NTN4: variants seen among roughly 807,000 people sequenced by gnomAD.
NTN4 encodes the protein netrin-4.
A neutral mutation model predicts 73.6 loss-of-function variants in NTN4; 32 were observed. That is an observed-to-expected ratio of 0.44 (90% CI 0.33 to 0.58). The LOEUF (loss-of-function observed/expected upper bound fraction) is 0.58. Ranked by LOEUF, NTN4 falls within the 20% of genes least tolerant of loss-of-function variation. NTN4 has a pLI of 0.04. For missense variants in NTN4, 654 were observed against 798.3 expected, an observed-to-expected ratio of 0.82 and a Z score of 2.18; for synonymous variants, 258 against 287.5, an observed-to-expected ratio of 0.90 and a Z score of 1.04.
intron 2 of NTN4, among the ~76,000 whole-genome samples, chr12:95,751,980 T>C (rs1469080897): frequency 6.6e-6 from 1 of 150,974 alleles, no homozygotes; most frequent in Non-Finnish European, 1.5e-5. Context: ...TGACTATTCC[T>C]GGACTACAGC....
At chr12:95,780,119 C>G (rs2079121641) in intron 2 of NTN4, among the ~76,000 whole-genome samples, 1 of 152,018 alleles carries the variant, frequency 6.6e-6, no homozygotes, top group African/African-American at 2.4e-5. Context: ...GAAACTGGAT[C>G]CCTTCCTTAC....
chr12:95,732,215 T>TCC (rs543366961), intron 3 of NTN4, among the ~76,000 whole-genome samples: 22 of 149,502 alleles, frequency 1.5e-4, no homozygotes, highest in South Asian at 1.1e-3. Context: ...TTCTTTTCTC[T>TCC]CCCTTTCTCT....
intron 5 of NTN4, among the ~76,000 whole-genome samples, chr12:95,690,012 G>A (rs183764076): frequency 1.3e-5 from 2 of 152,216 alleles, no homozygotes; most frequent in East Asian, 1.9e-4. Context: ...TTACCTTTCT[G>A]AGCCCCACAT....
intron 6 of NTN4, 94 bp downstream of exon 6, chr12:95,683,404 T>C (rs1325223396): frequency 8.6e-7 from 1 of 1,165,904 alleles, no homozygotes; most frequent in African/African-American, 1.5e-5. Flanking sequence ...ACATCTTTGC[T>C]CCATTAACAG....
At chr12:95,754,703 C>T (rs1481369826) in intron 2 of NTN4, among the ~76,000 whole-genome samples, 1 of 152,172 alleles carries the variant, frequency 6.6e-6, no homozygotes, top group Non-Finnish European at 1.5e-5. Context: ...TACCCCTGCC[C>T]ACCAGAGAAC....
Position 95,710,611 on chromosome 12 carries a change from T to C in NTN4, c.1010A>G (p.His337Arg). The C allele has an allele frequency of 6.2e-7, 1 of 1,613,556 alleles. No homozygotes were observed. The highest frequency in any genetic ancestry group is 8.5e-7 in the Non-Finnish European group (1 of 1,179,798). The change falls in exon 5 of 10, where the codon CAT becomes CGT. Residue 337 changes from histidine (H) to arginine (R), a missense_variant. By Grantham distance (29) the His-to-Arg change is conservative (BLOSUM62 0). Transcript: ENST00000343702. Reference protein sequence around the residue: ...NECRTCKCNGHADTCHFDVNV... With the variant: ...NECRTCKCNGRADTCHFDVNV... ...AACGTCGAAGTGACAGGTATCAGCA[T>C]GCCCATTACACTTGCAGGCTGGAAA...
chr12:95,713,200 C>A lies in NTN4; in HGVS notation c.991+12G>T. Reference sequence around the variant, plus strand: ...AAAGAAAGCTTTTGAGTATCGTGGGCTTGTTACTTACTTCTGCACTCGTTG... The same window carrying A: ...AAAGAAAGCTTTTGAGTATCGTGGGATTGTTACTTACTTCTGCACTCGTTG... On this transcript the variant is annotated intron_variant, in intron 4 of 9. Coordinates refer to ENST00000343702, the MANE Select transcript of NTN4 (RefSeq NM_021229.4). The A allele has an allele frequency of 1.2e-6, 2 of 1,608,932 alleles. No individual in the cohort carries two copies. The highest frequency in any genetic ancestry group is 4.5e-5 in the East Asian group (2 of 44,666).
At position 95,675,873 on chromosome 12, in the gene NTN4, T is replaced by G. The variant is rs1477849021; in HGVS notation, c.1511-5727A>C. Among the ~76,000 whole-genome samples the G allele has an allele frequency of 5.3e-5, 8 of 152,118 alleles. No individual in the cohort carries two copies. In the East Asian group the frequency reaches 1.4e-3, roughly 26 times the overall value. ...GCTCTCCTTGCTAATGAAAGGAGGC[T>G]GGGAAAAAACAATAAACCAACCACG... On this transcript the variant is annotated intron_variant, in intron 7 of 9. Transcript: ENST00000343702.
intron 5 of NTN4, among the ~76,000 whole-genome samples, chr12:95,697,757 G>C (rs2078453209): frequency 6.6e-6 from 1 of 151,372 alleles, no homozygotes; most frequent in Admixed American, 6.6e-5. Context: ...GTGTAATACA[G>C]TTCTTTGGAT....
chr12:95,739,569 T>C (rs746276123), intron 2 of NTN4, among the ~76,000 whole-genome samples: 3 of 152,236 alleles, frequency 2.0e-5, no homozygotes, highest in Admixed American at 6.5e-5. Flanking sequence ...CATTATGGGC[T>C]TTATATGGAA....
intron 2 of NTN4, among the ~76,000 whole-genome samples, chr12:95,783,474 T>C (rs1214233865): frequency 1.3e-5 from 2 of 152,222 alleles, no homozygotes; most frequent in Non-Finnish European, 2.9e-5. Context: ...GAAAACTGTT[T>C]GGCAAATTCC....
chr12:95,660,795 T>A (rs1004541520), intron 9 of NTN4, among the ~76,000 whole-genome samples: 3 of 152,200 alleles, frequency 2.0e-5, no homozygotes, highest in Non-Finnish European at 4.4e-5. Context: ...AAATATCAAT[T>A]TAATTTCACA....
intron 3 of NTN4, among the ~76,000 whole-genome samples, chr12:95,724,721 T>C (rs547618419): frequency 1.2e-4 from 18 of 152,308 alleles, no homozygotes; most frequent in Non-Finnish European, 2.1e-4. Flanking sequence ...TATGGGAAAC[T>C]ATCTCAATAC....
At chr12:95,754,608 C>T (rs1459836650) in intron 2 of NTN4, among the ~76,000 whole-genome samples, 2 of 152,260 alleles carry the variant, frequency 1.3e-5, no homozygotes, top group Non-Finnish European at 2.9e-5. Flanking sequence ...GTCATTTGTT[C>T]CTGCCCCACC....
intron 7 of NTN4, among the ~76,000 whole-genome samples, chr12:95,678,580 T>C (rs1311998454): frequency 6.6e-6 from 1 of 152,068 alleles, no homozygotes. Flanking sequence ...TGGTGAAAAT[T>C]TCAAACTATT....
At chr12:95,757,766 T>G (rs1399065337) in intron 2 of NTN4, among the ~76,000 whole-genome samples, 1 of 67,580 alleles carries the variant, frequency 1.5e-5, no homozygotes, top group Non-Finnish European at 3.5e-5. Flanking sequence ...GAAGTGAGAA[T>G]GCAAAGTAAA....
At chr12:95,673,963 A>ATGAG (rs1040617949) in intron 7 of NTN4, 96 of 152,324 alleles carry the variant, frequency 6.3e-4, no homozygotes, top group Middle Eastern at 3.4e-3. Context: ...TTCTCCAGGA[A>ATGAG]TGAGTATAAT....
At chr12:95,694,219 A>G (rs7979381) in intron 5 of NTN4, among the ~76,000 whole-genome samples, 1 of 152,030 alleles carries the variant, frequency 6.6e-6, no homozygotes, top group Non-Finnish European at 1.5e-5. Flanking sequence ...ATACCCTAAA[A>G]GTATTTGCTC....
chr12:95,752,239 G>A (rs535195024), intron 2 of NTN4, among the ~76,000 whole-genome samples: 11 of 147,854 alleles, frequency 7.4e-5, no homozygotes, highest in African/African-American at 2.0e-4. Flanking sequence ...ATAAACTCTC[G>A]TTACAATTCC....
Sources: allele counts gnomAD v4.1 joint callset (sites outside exome capture counted in the v4.1 genomes callset), GRCh38; gene constraint gnomAD v4.1.1; transcripts MANE v1.5; gene names NCBI Gene and HGNC (gene_info 2026-07-23, HGNC 2026-07-21).